LIMK2: variants seen among roughly 807,000 people sequenced by gnomAD.
The protein encoded by LIMK2 is LIM domain kinase 2.
LIMK2 carries 35 observed loss-of-function variants against 75.7 expected under a neutral mutation model. The observed-to-expected ratio is 0.46, with a 90% CI of 0.35 to 0.61. The LOEUF (loss-of-function observed/expected upper bound fraction) is 0.61, where lower values mean the gene tolerates loss of function less well. LIMK2 is among the 20% of genes least tolerant of loss of function. The pLI is 0.00. For missense variants in LIMK2, 623 were observed against 831.0 expected, an observed-to-expected ratio of 0.75 and a Z score of 3.08; for synonymous variants, 301 against 319.2, an observed-to-expected ratio of 0.94 and a Z score of 0.61.
intron 2 of LIMK2, among the ~76,000 whole-genome samples, chr22:31,234,782 G>A (rs9619178): frequency 0.044 from 6,629 of 150,662 alleles, 545 homozygotes; most frequent in East Asian, 0.37. Context: ...CCGTAATGTG[G>A]CCTCTCTCCA....
chr22:31,227,735 G>A (rs934350500), intron 2 of LIMK2, among the ~76,000 whole-genome samples: 2 of 152,182 alleles, frequency 1.3e-5, no homozygotes, highest in Admixed American at 6.5e-5. Flanking sequence ...TAACCCATAT[G>A]TTCATATTCT....
chr22:31,270,483 G>A (rs1015534604), intron 11 of LIMK2, among the ~76,000 whole-genome samples: 8 of 152,218 alleles, frequency 5.3e-5, no homozygotes, highest in African/African-American at 9.6e-5. Context: ...CAGGGGGCTG[G>A]AGAGCAAGGA....
Position 31,279,602 on chromosome 22 carries a change from T to G in LIMK2, c.*1161T>G, listed in dbSNP as rs2049065974. The stretch of plus-strand genomic sequence containing the variant: ...GGGCAGCATCCTCCTGAGCCACATG[T>G]GCAGGTACTGGAAAACCTCCATCTT... On this transcript the variant is annotated 3_prime_UTR_variant, in exon 16 of 16. Transcript: ENST00000331728. 6.6e-6 allele frequency: 1 copy of G among 152,208 alleles called. No homozygotes were observed. The highest frequency in any genetic ancestry group is 2.4e-5 in the African/African-American group (1 of 41,442). The allele number at this position is 152,208 out of a possible 1,614,324, so 9.4% of individuals were successfully genotyped here.
chr22:31,254,838 A>G (rs2048761436), intron 2 of LIMK2, among the ~76,000 whole-genome samples: 1 of 152,160 alleles, frequency 6.6e-6, no homozygotes, highest in Non-Finnish European at 1.5e-5. Context: ...ATGCGCCAGT[A>G]ATCCCAGCTA....
chr22:31,274,243 C>T (rs1489803504), intron 14 of LIMK2, among the ~76,000 whole-genome samples: 1 of 152,078 alleles, frequency 6.6e-6, no homozygotes, highest in African/African-American at 2.4e-5. Flanking sequence ...AGTGAGGAAT[C>T]TTGGAAAGAT....
rs111772511 is a variant in LIMK2 at position 31,273,038 on chromosome 22, T to G, written c.1558+334T>G. On this transcript the variant is annotated intron_variant, in intron 13 of 15. Transcript: ENST00000331728. ...TGTGGTGCCCTCTGGTGGATAATGCTCAAACCAACCAGAGATGCTGGTTGG... is the reference window on the plus strand; with the variant it reads ...TGTGGTGCCCTCTGGTGGATAATGCGCAAACCAACCAGAGATGCTGGTTGG... 3 of 1,129,426 alleles carry G rather than the reference T, an allele frequency of 2.7e-6. No individual in the cohort carries two copies. In the African/African-American group the frequency reaches 4.8e-5, roughly 18 times the overall value. 70.0% of individuals were successfully genotyped at this position (1,129,426 alleles called of 1,614,324 possible).
At chr22:31,259,019 C>T (rs565742198) in intron 3 of LIMK2, 102 bp from the exon 4 acceptor site, 4 of 672,230 alleles carry the variant, frequency 6.0e-6, no homozygotes, top group South Asian at 3.3e-5. Flanking sequence ...TTGACGGGGG[C>T]CTTGCTTGGA....
At chr22:31,232,865 T>C (rs1379554648) in intron 2 of LIMK2, among the ~76,000 whole-genome samples, 1 of 152,174 alleles carries the variant, frequency 6.6e-6, no homozygotes, top group Non-Finnish European at 1.5e-5. Flanking sequence ...CACAAAGTGT[T>C]GGGATTACAG....
At chr22:31,252,642 T>G (rs1286044756) in intron 2 of LIMK2, among the ~76,000 whole-genome samples, 1 of 152,102 alleles carries the variant, frequency 6.6e-6, no homozygotes, top group Admixed American at 6.6e-5. Flanking sequence ...CATTCTGGGC[T>G]GAGAAGCAGG....
chr22:31,252,748 A>G (rs2048738247), intron 2 of LIMK2, among the ~76,000 whole-genome samples: 1 of 152,118 alleles, frequency 6.6e-6, no homozygotes, highest in African/African-American at 2.4e-5. Context: ...CTTACTGGCT[A>G]CCTTCTGTGA....
At chr22:31,263,268 G>C (rs2048859314) in intron 7 of LIMK2, among the ~76,000 whole-genome samples, 1 of 152,162 alleles carries the variant, frequency 6.6e-6, no homozygotes. Flanking sequence ...GCCTTGAGTG[G>C]AAGCCCCAAG....
chr22:31,230,960 C>T (rs147215631), intron 2 of LIMK2, among the ~76,000 whole-genome samples: 4 of 152,326 alleles, frequency 2.6e-5, no homozygotes, highest in South Asian at 4.1e-4. Flanking sequence ...ATGCATAGCA[C>T]ATTTAATCCT....
At chr22:31,240,145 A>G (rs1310669499) in intron 2 of LIMK2, among the ~76,000 whole-genome samples, 1 of 151,998 alleles carries the variant, frequency 6.6e-6, no homozygotes, top group East Asian at 1.9e-4. Context: ...CTTTCTCCAT[A>G]CTGCTTACGA....
intron 14 of LIMK2, among the ~76,000 whole-genome samples, chr22:31,274,458 A>T (rs552121495): frequency 1.1e-4 from 16 of 152,088 alleles, no homozygotes; most frequent in African/African-American, 3.9e-4. Flanking sequence ...TGGAGTGCAG[A>T]GGTGCAATCT....
At position 31,262,204 on chromosome 22, in the gene LIMK2, A is replaced by G; in HGVS notation, c.622A>G (p.Asn208Asp). ...IHPGDRILEINGTPVRTLRVE... is the reference protein window; with the variant it reads ...IHPGDRILEIDGTPVRTLRVE... The stretch of plus-strand genomic sequence containing the variant: ...CCCTGGGGACCGCATCCTGGAGATC[A>G]ATGGGACCCCCGTCCGCACACTTCG... Residue 208 changes from asparagine to aspartate, a missense_variant, in exon 6 of 16, where the codon AAT becomes GAT. By Grantham distance (23) the Asn-to-Asp change is conservative (BLOSUM62 1). Transcript: ENST00000331728. The surrounding 1 kb of genome is among the most constrained non-coding windows in gnomAD (Gnocchi z 5.0). 1.2e-6 allele frequency: 2 copies of G among 1,614,140 alleles called. No homozygotes were observed. Among genetic ancestry groups the G allele is most frequent in the Non-Finnish European group, 1.7e-6 (2 of 1,179,956 alleles).
chr22:31,216,701 C>G (rs565828571), intron 1 of LIMK2, among the ~76,000 whole-genome samples: 1 of 152,156 alleles, frequency 6.6e-6, no homozygotes, highest in African/African-American at 2.4e-5. Context: ...AAATAAAAAT[C>G]CGTCATGATC....
chr22:31,221,555 G>A (rs1965294999), intron 1 of LIMK2, among the ~76,000 whole-genome samples: 1 of 152,094 alleles, frequency 6.6e-6, no homozygotes, highest in African/African-American at 2.4e-5. Context: ...AATGATCTTG[G>A]CTCACTGCAA....
At position 31,251,989 on chromosome 22, in the gene LIMK2, T is replaced by G. The variant is rs78750902; in HGVS notation, c.117-6302T>G. Among the ~76,000 whole-genome samples, 547 of 152,306 alleles carry G rather than the reference T, an allele frequency of 3.6e-3. 2 individuals carry two copies. The highest frequency in any genetic ancestry group is 6.6e-3 in the Non-Finnish European group (448 of 68,018). ...TCACTGGGAGGTTAAGGGATGACCA[T>G]CCAGCCAGGCCTTCCTCAGGACATG... On this transcript the variant is annotated intron_variant, in intron 2 of 15. Coordinates refer to ENST00000331728, the MANE Select transcript of LIMK2 (RefSeq NM_005569.4).
At chr22:31,263,426 G>A (rs896496182) in intron 7 of LIMK2, among the ~76,000 whole-genome samples, 4 of 152,166 alleles carry the variant, frequency 2.6e-5, no homozygotes, top group South Asian at 2.1e-4. Flanking sequence ...AAGATGGTAA[G>A]ATAAAGGTGG....
Sources: gnomAD v4.1 joint callset for allele counts (sites outside exome capture counted in the v4.1 genomes callset) on GRCh38, gnomAD v4.1.1 for gene constraint, Gnocchi (gnomAD v3.1) non-coding constraint, MANE v1.5 for transcripts, NCBI Gene and HGNC (gene_info 2026-07-23, HGNC 2026-07-21) for gene names.